Variants in CDH13 observed in about 807,000 individuals in gnomAD.
CDH13 encodes the protein cadherin 13.
CDH13 carries 24 observed loss-of-function variants against 63.8 expected under a neutral mutation model. The ratio of observed to expected loss-of-function variants is 0.38; its 90% CI spans 0.27 to 0.53. The LOEUF (loss-of-function observed/expected upper bound fraction) is 0.53, where lower values mean the gene tolerates loss of function less well. Ranked by LOEUF, CDH13 falls within the 20% of genes least tolerant of loss-of-function variation. The pLI, the probability that CDH13 is intolerant of heterozygous loss-of-function variation, is 0.85. For synonymous variants in CDH13, 503 were observed against 355.3 expected, an observed-to-expected ratio of 1.42 and a Z score of -4.67; for missense variants, 1,049 against 903.1, an observed-to-expected ratio of 1.16 and a Z score of -2.07.
chr16:83,651,852 C>A (rs1388640513), intron 8 of CDH13, among the ~76,000 whole-genome samples: 2 of 152,146 alleles, frequency 1.3e-5, no homozygotes, highest in Admixed American at 1.3e-4. Context: ...GCTTCAGCCT[C>A]CCAAAGTGCT....
chr16:82,939,973 G>A (rs899065779), intron 2 of CDH13, among the ~76,000 whole-genome samples: 2 of 152,158 alleles, frequency 1.3e-5, no homozygotes, highest in African/African-American at 2.4e-5. Context: ...GAGCAAAATC[G>A]TGTCTCATGT....
At chr16:83,184,162 C>A (rs1040973225) in intron 4 of CDH13, among the ~76,000 whole-genome samples, 5 of 139,836 alleles carry the variant, frequency 3.6e-5, no homozygotes, top group African/African-American at 1.4e-4. Flanking sequence ...AAAAAAAAGT[C>A]AGAACAATGA....
At chr16:83,048,841 A>G (rs1028287621) in intron 3 of CDH13, among the ~76,000 whole-genome samples, 7 of 152,122 alleles carry the variant, frequency 4.6e-5, no homozygotes, top group Non-Finnish European at 7.4e-5. Flanking sequence ...TTCCCAGGCG[A>G]AACCAAATTA....
intron 2 of CDH13, among the ~76,000 whole-genome samples, chr16:82,890,738 GC>G (rs1222220690): frequency 6.8e-6 from 1 of 147,062 alleles, no homozygotes; most frequent in Admixed American, 7.0e-5. Context: ...TGCAACCTCC[GC>G]CTCCCAGGTT....
At chr16:83,611,391 G>T (rs1908849208) in intron 8 of CDH13, among the ~76,000 whole-genome samples, 1 of 151,588 alleles carries the variant, frequency 6.6e-6, no homozygotes, top group Non-Finnish European at 1.5e-5. Context: ...TTGCCAATTT[G>T]TGTTTTTCCA....
rs750058738 is a variant in CDH13, at chr16:83,780,116, T to C, written c.1830T>C (p.Asp610=). The change falls in exon 12 of 14, where the codon GAT becomes GAC. Residue 610 remains aspartate, a synonymous_variant. Coordinates refer to ENST00000567109, the MANE Select transcript of CDH13 (RefSeq NM_001257.5). ...SVVILGASDK[D]LHPNTDPFKF... is the part of the protein sequence containing the mutation. ...TCATTTTGGGAGCATCAGATAAGGATCTTCACCCGAATACAGATCCTTTCA... is the reference window on the plus strand; with the variant it reads ...TCATTTTGGGAGCATCAGATAAGGACCTTCACCCGAATACAGATCCTTTCA... 18 of 1,613,738 alleles carry C rather than the reference T, an allele frequency of 1.1e-5. No homozygotes were observed. In the East Asian group the frequency reaches 3.8e-4, roughly 34 times the overall value.
intron 7 of CDH13, among the ~76,000 whole-genome samples, chr16:83,577,399 C>T (rs533679589): frequency 6.6e-6 from 1 of 152,208 alleles, no homozygotes; most frequent in Non-Finnish European, 1.5e-5. Context: ...TTCTTGGTTC[C>T]CTCCCCAGCA....
rs553284027 is a variant in CDH13 at position 82,972,813 on chromosome 16, T to G, written c.158-59197T>G. On this transcript the variant is annotated intron_variant, in intron 2 of 13. Coordinates refer to ENST00000567109, the MANE Select transcript of CDH13 (RefSeq NM_001257.5). ...AGAAAGAGCTTGTCAAGCTCTTAGC[T>G]GAAATCTGTACAAAATATCTGCTGC... Among the ~76,000 whole-genome samples, 6 of 152,294 alleles carry G rather than the reference T, an allele frequency of 3.9e-5. No individual in the cohort carries two copies. The South Asian group carries it at 1.0e-3, about 26-fold the overall frequency.
chr16:83,035,798 C>G (rs75418460), intron 3 of CDH13, among the ~76,000 whole-genome samples: 6,780 of 152,218 alleles, frequency 0.045, 244 homozygotes, highest in East Asian at 0.15. Flanking sequence ...ATTTTTTCGT[C>G]TGTAACATAG....
chr16:83,403,467 CA>C (rs537918153), intron 6 of CDH13, among the ~76,000 whole-genome samples: 1 of 151,992 alleles, frequency 6.6e-6, no homozygotes, highest in African/African-American at 2.4e-5. Flanking sequence ...ACTAAAAACA[CA>C]AAAAATTAGC....
chr16:82,761,518 A>T (rs1567508451), intron 1 of CDH13, among the ~76,000 whole-genome samples: 1 of 152,234 alleles, frequency 6.6e-6, no homozygotes, highest in South Asian at 2.1e-4. Context: ...GCTACTTCTC[A>T]ATCAATTATT....
intron 1 of CDH13, among the ~76,000 whole-genome samples, chr16:82,829,992 G>T (rs1017979835): frequency 6.6e-6 from 1 of 152,280 alleles, no homozygotes; most frequent in Admixed American, 6.5e-5. Flanking sequence ...ATTATTTGCT[G>T]AACTTTCTTC....
intron 13 of CDH13, among the ~76,000 whole-genome samples, chr16:83,787,849 A>T (rs1216985189): frequency 6.6e-6 from 1 of 152,192 alleles, no homozygotes; most frequent in East Asian, 1.9e-4. Flanking sequence ...AGGCTGAGGC[A>T]GGAGAATCGC....
chr16:83,519,044 C>T (rs1486639485), intron 7 of CDH13, among the ~76,000 whole-genome samples: 1 of 152,194 alleles, frequency 6.6e-6, no homozygotes, highest in Non-Finnish European at 1.5e-5. Context: ...GCACCTGGTT[C>T]TCAGATTCGC....
In CDH13 at chr16:82,761,017, C is replaced by CTTTTTTTTTTTTTTTTTTTTTTTTTT. The variant is rs35038319; in HGVS notation, c.46-97341_46-97316dup. ...CTCTGGGGTTCACATTTCTTTCTTT[C>CTTTTTTTTTTTTTTTTTTTTTTTTTT]TTTTTTTTTTTTTTTTTTTTTTTTT... On this transcript the variant is annotated intron_variant, in intron 1 of 13. Coordinates refer to ENST00000567109, the MANE Select transcript of CDH13 (RefSeq NM_001257.5). Among the ~76,000 whole-genome samples the CTTTTTTTTTTTTTTTTTTTTTTTTTT allele has an allele frequency of 4.3e-3, 173 of 40,484 alleles. 43 individuals are homozygous for CTTTTTTTTTTTTTTTTTTTTTTTTTT. The highest frequency in any genetic ancestry group is 6.0e-3 in the Non-Finnish European group (132 of 21,892). The allele number at this position is 40,484 out of a possible 152,430, so 26.6% of individuals were successfully genotyped here. A position where few individuals can be genotyped will look rare whatever the true frequency, so the allele number is the denominator to read the frequency against.
intron 1 of CDH13, among the ~76,000 whole-genome samples, chr16:82,830,477 G>C (rs1410257295): frequency 6.6e-6 from 1 of 152,110 alleles, no homozygotes; most frequent in African/African-American, 2.4e-5. Flanking sequence ...ACCATTTCTT[G>C]AACAAATGGG....
At chr16:83,786,958 A>G (rs964966205) in intron 13 of CDH13, among the ~76,000 whole-genome samples, 6 of 152,138 alleles carry the variant, frequency 3.9e-5, no homozygotes, top group African/African-American at 1.4e-4. Context: ...TTCTCTGCCC[A>G]ATTTTATTTT....
chr16:83,061,430 C>A (rs1319406313), intron 3 of CDH13, among the ~76,000 whole-genome samples: 1 of 152,192 alleles, frequency 6.6e-6, no homozygotes, highest in East Asian at 1.9e-4. Flanking sequence ...TGGTGACCTT[C>A]TCCCTGTGCC....
intron 6 of CDH13, among the ~76,000 whole-genome samples, chr16:83,405,365 T>A (rs763818753): frequency 1.3e-5 from 2 of 152,116 alleles, no homozygotes; most frequent in African/African-American, 4.8e-5. Context: ...GGATCTTGAT[T>A]TAAAGAAGTT....
Sources: gnomAD v4.1 joint callset for allele counts (sites outside exome capture counted in the v4.1 genomes callset) on GRCh38, gnomAD v4.1.1 for gene constraint, MANE v1.5 for transcripts, NCBI Gene and HGNC (gene_info 2026-07-23, HGNC 2026-07-21) for gene names.